CHRM3: variants seen among roughly 807,000 people sequenced by gnomAD.
The protein encoded by CHRM3 is muscarinic acetylcholine receptor M3.
Under a neutral mutation model 41.8 loss-of-function variants are expected in CHRM3, and 11 were observed. The observed-to-expected ratio is 0.26, with a 90% CI of 0.17 to 0.44. The LOEUF is 0.44. Ranked by LOEUF, CHRM3 falls within the 20% of genes least tolerant of loss-of-function variation. The probability of loss-of-function intolerance (pLI) is 1.00; values close to 1 mark genes in which losing one functional copy is unlikely to be tolerated. For missense variants in CHRM3, 571 were observed against 745.4 expected (o/e 0.77, Z 2.72); for synonymous variants, 297 against 301.4 (o/e 0.99, Z 0.15).
intron 4 of CHRM3, among the ~76,000 whole-genome samples, chr1:239,637,748 A>G (rs1172472300): frequency 6.9e-6 from 1 of 144,812 alleles, no homozygotes; most frequent in Non-Finnish European, 1.5e-5. Context: ...TTCTTTGTGA[A>G]TTTTCTTTTT....
chr1:239,719,969 A>G (rs1267542293), intron 5 of CHRM3, among the ~76,000 whole-genome samples: 4 of 152,030 alleles, frequency 2.6e-5, no homozygotes, highest in African/African-American at 9.7e-5. Flanking sequence ...TGGCAAAAGC[A>G]GTTAATTGCT....
chr1:239,854,154 A>C (rs1347475827), intron 6 of CHRM3, among the ~76,000 whole-genome samples: 8 of 152,124 alleles, frequency 5.3e-5, no homozygotes. Flanking sequence ...AACTTAAAAT[A>C]AAATGTAGGC....
intron 5 of CHRM3, among the ~76,000 whole-genome samples, chr1:239,760,491 C>T (rs1195550578): frequency 3.3e-5 from 5 of 152,076 alleles, no homozygotes; most frequent in South Asian, 2.1e-4. Flanking sequence ...TACCTTTTTG[C>T]GTGGTCTTCT....
intron 5 of CHRM3, among the ~76,000 whole-genome samples, chr1:239,743,788 C>CTTTTTTTTTTTTTTTTT: frequency 7.2e-3 from 586 of 81,164 alleles, no homozygotes; most frequent in Non-Finnish European, 9.0e-3. Flanking sequence ...TTTTTTTTTT[C>CTTTTTTTTTTTTTTTTT]TTTTTTTTTT....
chr1:239,731,830 GTT>G (rs1001441709), intron 5 of CHRM3, among the ~76,000 whole-genome samples: 78 of 152,016 alleles, frequency 5.1e-4, no homozygotes, highest in African/African-American at 1.9e-3. Context: ...TGCCTCCAGG[GTT>G]TGGCAGAGAA....
At chr1:239,746,496 G>T (rs918384151) in intron 5 of CHRM3, among the ~76,000 whole-genome samples, 1 of 152,192 alleles carries the variant, frequency 6.6e-6, no homozygotes, top group African/African-American at 2.4e-5. Context: ...TACTTGATAT[G>T]TGTGTAAAGC....
chr1:239,805,392 C>A (rs888684943), intron 5 of CHRM3, among the ~76,000 whole-genome samples: 1 of 152,200 alleles, frequency 6.6e-6, no homozygotes, highest in African/African-American at 2.4e-5. Context: ...CAGATAAATA[C>A]CTTTGACTGC....
chr1:239,632,750 T>C (rs1409117629), intron 4 of CHRM3, among the ~76,000 whole-genome samples: 1 of 152,194 alleles, frequency 6.6e-6, no homozygotes. Flanking sequence ...CTTTCTTAGA[T>C]GTTATCCTTA....
At chr1:239,858,721 C>T (rs1170703041) in intron 6 of CHRM3, among the ~76,000 whole-genome samples, 1 of 152,118 alleles carries the variant, frequency 6.6e-6, no homozygotes, top group East Asian at 1.9e-4. Context: ...TCTCATCACC[C>T]TAGAGGAAGC....
At chr1:239,894,430 A>G (rs556316078) in intron 6 of CHRM3, among the ~76,000 whole-genome samples, 2 of 151,952 alleles carry the variant, frequency 1.3e-5, no homozygotes, top group South Asian at 4.2e-4. Context: ...TATTTTATTT[A>G]TTTATTTATT....
Position 239,696,010 on chromosome 1 carries a change from T to C in CHRM3, c.-147+17722T>C, listed in dbSNP as rs532460785. On this transcript the variant is annotated intron_variant, in intron 5 of 6. Transcript: ENST00000676153. ...CTGTGTTAAACATCACCTTTTCATG[T>C]ATGTACTGACATATTCTCTCCTATA... Among the ~76,000 whole-genome samples the C allele has an allele frequency of 1.9e-4, 29 of 152,330 alleles. No homozygotes were observed. In the South Asian group the frequency reaches 5.6e-3, roughly 29 times the overall value.
At chr1:239,640,119 T>G (rs1358252828) in intron 4 of CHRM3, among the ~76,000 whole-genome samples, 1 of 151,574 alleles carries the variant, frequency 6.6e-6, no homozygotes, top group South Asian at 2.1e-4. Flanking sequence ...TGAAGCCCAC[T>G]TGATCATGGT....
In CHRM3 at chr1:239,386,736, A is replaced by C. The variant is rs1658538542; in HGVS notation, c.-1012A>C. On this transcript the variant is annotated 5_prime_UTR_variant, in exon 1 of 7. Transcript: ENST00000676153. ...TGGAGCGCCTTCTCTCTGCTTTTGG[A>C]GAAAGGGAATACACGATAAAGAAGG... The C allele has an allele frequency of 6.6e-6, 1 of 152,334 alleles. No homozygotes were observed. Among genetic ancestry groups the C allele is most frequent in the Non-Finnish European group, 1.5e-5 (1 of 68,182 alleles). The allele number at this position is 152,334 out of a possible 1,614,324, so 9.4% of individuals were successfully genotyped here.
At chr1:239,871,341 A>C (rs567436327) in intron 6 of CHRM3, among the ~76,000 whole-genome samples, 1 of 152,230 alleles carries the variant, frequency 6.6e-6, no homozygotes, top group East Asian at 1.9e-4. Context: ...TCCTGGGTTC[A>C]AGTGATTCTG....
Position 239,478,908 on chromosome 1 carries a change from C to G in CHRM3, c.-520-13801C>G, listed in dbSNP as rs755308090. ...AATTAAAAAGAGACAGCAGGCCAGGCATGCTGGCTCATGAATGTAATCCCA... is the reference window on the plus strand; with the variant it reads ...AATTAAAAAGAGACAGCAGGCCAGGGATGCTGGCTCATGAATGTAATCCCA... On this transcript the variant is annotated intron_variant, in intron 1 of 6. Transcript: ENST00000676153. Among the ~76,000 whole-genome samples the G allele has an allele frequency of 4.0e-4, 61 of 152,026 alleles. 1 individual carries two copies. Among genetic ancestry groups the G allele is most frequent in the Middle Eastern group, 3.4e-3 (1 of 294 alleles).
At chr1:239,498,503 G>T (rs919715101) in intron 2 of CHRM3, among the ~76,000 whole-genome samples, 1 of 152,198 alleles carries the variant, frequency 6.6e-6, no homozygotes, top group Admixed American at 6.5e-5. Context: ...TGTAATCTAA[G>T]CGTTCTCAAG....
chr1:239,907,343 C>A lies in CHRM3; in HGVS notation c.-19-90C>A. On this transcript the variant is annotated intron_variant, in intron 6 of 6. Coordinates refer to ENST00000676153, the MANE Select transcript of CHRM3 (RefSeq NM_001375978.1). The surrounding 1 kb of genome is among the most constrained non-coding windows in gnomAD (Gnocchi z 5.4). ...TAGAGATTCAGCACCCTGTAATAGG[C>A]CTTCCATGTCTTTTAACGTATGTAA... is the stretch of plus-strand genomic sequence containing the variant. The A allele has an allele frequency of 1.1e-6, 1 of 925,168 alleles. No individual in the cohort carries two copies. The highest frequency in any genetic ancestry group is 1.6e-6 in the Non-Finnish European group (1 of 609,770). 57.3% of individuals were successfully genotyped at this position (925,168 alleles called of 1,614,324 possible).
Position 239,487,443 on chromosome 1 carries a change from G to C in CHRM3, c.-520-5266G>C, listed in dbSNP as rs61834725. Among the ~76,000 whole-genome samples, 4 of 152,174 alleles carry C rather than the reference G, an allele frequency of 2.6e-5. No homozygotes were observed. In the East Asian group the frequency reaches 7.7e-4, roughly 29 times the overall value. ...AAGGTACACAGGAAATTAACACTTA[G>C]ATTTTGGGAGAAAAGCCTCCATGTA... is the stretch of plus-strand genomic sequence containing the variant. On this transcript the variant is annotated intron_variant, in intron 1 of 6. Coordinates refer to ENST00000676153, the MANE Select transcript of CHRM3 (RefSeq NM_001375978.1).
At chr1:239,516,875 C>T (rs1316167919) in intron 2 of CHRM3, among the ~76,000 whole-genome samples, 3 of 152,134 alleles carry the variant, frequency 2.0e-5, no homozygotes, top group Admixed American at 1.3e-4. Flanking sequence ...CTATTGTGAA[C>T]TGCACGTGCA....
Sources: gnomAD v4.1 joint callset for allele counts (sites outside exome capture counted in the v4.1 genomes callset) on GRCh38, gnomAD v4.1.1 for gene constraint, Gnocchi (gnomAD v3.1) non-coding constraint, MANE v1.5 for transcripts, NCBI Gene and HGNC (gene_info 2026-07-23, HGNC 2026-07-21) for gene names.